DLGAP5: variants seen among roughly 807,000 people sequenced by gnomAD.
DLGAP5 encodes DLG associated protein 5, also known as disks large-associated protein 5.
In DLGAP5, 90 loss-of-function variants were observed where a neutral mutation model predicts 99.6. That is an observed-to-expected ratio of 0.90 (90% CI 0.76 to 1.08). The LOEUF (loss-of-function observed/expected upper bound fraction) is 1.08, where lower values mean the gene tolerates loss of function less well. DLGAP5 is among the 50% of genes least tolerant of loss of function. The probability of loss-of-function intolerance (pLI) is 0.00; values close to 1 mark genes in which losing one functional copy is unlikely to be tolerated. For missense variants in DLGAP5, 1,036 were observed against 983.5 expected (o/e 1.05, Z -0.71); for synonymous variants, 311 against 321.3 (o/e 0.97, Z 0.34).
At chr14:55,171,203 G>C (rs574595679) in intron 10 of DLGAP5, among the ~76,000 whole-genome samples, 8 of 152,228 alleles carry the variant, frequency 5.3e-5, no homozygotes, top group African/African-American at 1.7e-4. Context: ...ATAGTGATGG[G>C]GCCTCACAGA....
chr14:55,170,328 TA>T (rs1882812164), intron 11 of DLGAP5, among the ~76,000 whole-genome samples: 3 of 149,496 alleles, frequency 2.0e-5, no homozygotes, highest in African/African-American at 7.7e-5. Flanking sequence ...ATTCAGAGTA[TA>T]TTTTTGTGTA....
intron 13 of DLGAP5, among the ~76,000 whole-genome samples, 172 bp downstream of exon 13, chr14:55,162,799 C>T (rs192706039): frequency 1.2e-4 from 19 of 152,034 alleles, no homozygotes; most frequent in Middle Eastern, 3.4e-3. Context: ...CAATCAAGTA[C>T]ACTCTAAGTA....
At chr14:55,159,094 A>G (rs1330610144) in intron 13 of DLGAP5, among the ~76,000 whole-genome samples, 1 of 151,490 alleles carries the variant, frequency 6.6e-6, no homozygotes, top group Non-Finnish European at 1.5e-5. Flanking sequence ...AAAAAAAAGT[A>G]AAACATTAAA....
intron 1 of DLGAP5, among the ~76,000 whole-genome samples, chr14:55,190,850 AAATT>A (rs1383180009): frequency 2.0e-5 from 3 of 152,364 alleles, no homozygotes; most frequent in African/African-American, 7.2e-5. Flanking sequence ...GATTGAAGAA[AAATT>A]AAGACTTATG....
At chr14:55,168,386 T>C (rs889194450) in intron 12 of DLGAP5, among the ~76,000 whole-genome samples, 3 of 152,244 alleles carry the variant, frequency 2.0e-5, no homozygotes, top group African/African-American at 7.2e-5. Context: ...ATGAAACGTC[T>C]GGTCTCTTTG....
rs756831884 is a variant in DLGAP5, at chr14:55,183,644, T to A, written c.348A>T (p.Gly116=). 5.6e-6 allele frequency: 9 copies of A among 1,612,362 alleles called. No homozygotes were observed. Among genetic ancestry groups the A allele is most frequent in the African/African-American group, 2.7e-5 (2 of 74,780 alleles). The stretch of plus-strand genomic sequence containing the variant: ...GTCTATAACGACCCACTTTAAATAT[T>A]CCTCGTTTAGCTTTCTCTCTCTGCT... The part of the protein sequence containing the change: ...LKEQREKAKR[G]IFKVGRYRPD... Residue 116 remains glycine, a synonymous_variant, in exon 3 of 19, where the codon GGA becomes GGT. Coordinates refer to ENST00000247191, the MANE Select transcript of DLGAP5 (RefSeq NM_014750.5).
At chr14:55,183,430 T>C in intron 3 of DLGAP5, 130 bp downstream of exon 3, 3 of 705,506 alleles carry the variant, frequency 4.3e-6, no homozygotes, top group Non-Finnish European at 6.4e-6. Flanking sequence ...TCTGAGCTAC[T>C]ATTATGTCAT....
chr14:55,182,305 T>C lies in DLGAP5; in HGVS notation c.495+65A>G. 3.0e-6 allele frequency: 4 copies of C among 1,332,744 alleles called. No individual in the cohort carries two copies. In the South Asian group the frequency reaches 5.0e-5, roughly 17 times the overall value. 82.6% of individuals were successfully genotyped at this position (1,332,744 alleles called of 1,614,324 possible). ...TTTGAATCTGATACTAGATTTAAAA[T>C]GAATTTACTTACTAAAAAAGTGCAA... is the stretch of plus-strand genomic sequence containing the variant. On this transcript the variant is annotated intron_variant, in intron 4 of 18. Coordinates refer to ENST00000247191, the MANE Select transcript of DLGAP5 (RefSeq NM_014750.5).
At chr14:55,190,777 G>A (rs1391116550) in intron 1 of DLGAP5, among the ~76,000 whole-genome samples, 2 of 152,180 alleles carry the variant, frequency 1.3e-5, no homozygotes, top group Non-Finnish European at 2.9e-5. Flanking sequence ...AGTGACAATG[G>A]ACTGTGCTTT....
intron 6 of DLGAP5, 150 bp downstream of exon 6, chr14:55,180,506 G>T: frequency 1.8e-6 from 2 of 1,097,578 alleles, no homozygotes; most frequent in Non-Finnish European, 2.6e-6. Context: ...CTAACCAGAT[G>T]TCAGGGCACA....
At chr14:55,154,504 C>T (rs1882133814) in intron 15 of DLGAP5, 113 bp downstream of exon 15, 1 of 851,174 alleles carries the variant, frequency 1.2e-6, no homozygotes, top group Non-Finnish European at 1.9e-6. Flanking sequence ...GTTGCAGGGT[C>T]ATTATGAAAT....
At chr14:55,171,761 A>G (rs1411494519) in intron 10 of DLGAP5, among the ~76,000 whole-genome samples, 1 of 152,220 alleles carries the variant, frequency 6.6e-6, no homozygotes, top group African/African-American at 2.4e-5. Context: ...TGGTATATAC[A>G]TACAATGAAA....
intron 17 of DLGAP5, 112 bp from the exon 18 acceptor site, chr14:55,150,960 C>A: frequency 1.5e-6 from 1 of 660,766 alleles, no homozygotes; most frequent in Non-Finnish European, 2.5e-6. Context: ...AATGCTAAGA[C>A]AAAAATATAG....
intron 15 of DLGAP5, among the ~76,000 whole-genome samples, chr14:55,153,472 C>T (rs916029707): frequency 2.0e-5 from 3 of 149,962 alleles, no homozygotes; most frequent in African/African-American, 4.9e-5. Context: ...ACCTGGGAGG[C>T]GGAGGTTGCA....
intron 13 of DLGAP5, 113 bp from the exon 14 acceptor site, chr14:55,158,854 T>C (rs1003363104): frequency 1.4e-6 from 1 of 713,476 alleles, no homozygotes; most frequent in Non-Finnish European, 2.3e-6. Flanking sequence ...AAAGTATACA[T>C]AAAATATTTC....
chr14:55,183,552 A>T lies in DLGAP5; in HGVS notation c.432+8T>A, dbSNP rs551571294. On this transcript the variant is annotated splice_region_variant and intron_variant, in intron 3 of 18. Coordinates refer to ENST00000247191, the MANE Select transcript of DLGAP5 (RefSeq NM_014750.5). ...AACTATTCCTTTATATTAAGACACTAAATTTACCTTTTTTGGCTCAGCTTT... is the reference window on the plus strand; with the variant it reads ...AACTATTCCTTTATATTAAGACACTTAATTTACCTTTTTTGGCTCAGCTTT... 5 of 1,544,294 alleles carry T rather than the reference A, an allele frequency of 3.2e-6. No homozygotes were observed. In the African/African-American group the frequency reaches 7.0e-5, roughly 22 times the overall value.
At chr14:55,180,813 C>A (rs1883247431) in intron 5 of DLGAP5, 35 bp from the exon 6 acceptor site, 1 of 1,612,294 alleles carries the variant, frequency 6.2e-7, no homozygotes, top group African/African-American at 1.3e-5. Context: ...TCAAATGTCC[C>A]TTGTAGTTAT....
chr14:55,170,876 G>T (rs889267846), intron 10 of DLGAP5, 89 bp from the exon 11 acceptor site: 5 of 919,056 alleles, frequency 5.4e-6, no homozygotes, highest in Non-Finnish European at 6.9e-6. Flanking sequence ...ATAACATTAG[G>T]AAGTTATAAA....
intron 1 of DLGAP5, among the ~76,000 whole-genome samples, chr14:55,189,532 T>C (rs1883538989): frequency 6.6e-6 from 1 of 152,106 alleles, no homozygotes; most frequent in Non-Finnish European, 1.5e-5. Context: ...AGGGTTTCCT[T>C]ACCCATGATG....
Sources: gnomAD v4.1 joint callset for allele counts (sites outside exome capture counted in the v4.1 genomes callset) on GRCh38, gnomAD v4.1.1 for gene constraint, MANE v1.5 for transcripts, NCBI Gene and HGNC (gene_info 2026-07-23, HGNC 2026-07-21) for gene names.